Variants in RNF32 observed in about 807,000 individuals in gnomAD.
RNF32 encodes the protein ring finger protein 32.
RNF32 carries 36 observed loss-of-function variants against 41.0 expected under a neutral mutation model. That is an observed-to-expected ratio of 0.88 (90% CI 0.67 to 1.16). The LOEUF is 1.16. Among genes scored for constraint, RNF32 ranks in the 50% most tolerant of loss-of-function variants. The probability of loss-of-function intolerance (pLI) is 0.00; values close to 1 mark genes in which losing one functional copy is unlikely to be tolerated. For synonymous variants in RNF32, 154 were observed against 160.9 expected (o/e 0.96, Z 0.32); for missense variants, 413 against 436.7 (o/e 0.95, Z 0.48).
upstream of RNF32, chr7:156,640,670 G>GGGCGC (rs138450059): frequency 1.7e-3 from 567 of 328,342 alleles, 11 homozygotes; most frequent in East Asian, 0.047. Context: ...GTATGGGGCG[G>GGGCGC]GGCGGGGCAG....
At chr7:156,674,226 G>A (rs76505823) in intron 7 of RNF32, among the ~76,000 whole-genome samples, 3,386 of 152,280 alleles carry the variant, frequency 0.022, 91 homozygotes, top group African/African-American at 0.064. Flanking sequence ...TGTGGGGCTC[G>A]GGAACTGTCT....
chr7:156,676,361 A>G, intron 8 of RNF32, 58 bp from the exon 9 acceptor site: 1 of 1,613,740 alleles, frequency 6.2e-7, no homozygotes, highest in East Asian at 2.2e-5. Flanking sequence ...CAGTTTAAGT[A>G]ACTTTCTGCT....
At chr7:156,649,778 C>T (rs760157019) in intron 3 of RNF32, among the ~76,000 whole-genome samples, 6 of 152,152 alleles carry the variant, frequency 3.9e-5, no homozygotes, top group Non-Finnish European at 5.9e-5. Context: ...TACTTGCCCA[C>T]GGTGTTTTTC....
chr7:156,641,419 C>T (rs1236474246), intron 1 of RNF32, among the ~76,000 whole-genome samples: 1 of 152,188 alleles, frequency 6.6e-6, no homozygotes. Flanking sequence ...TCCTGTTAAT[C>T]TTAGCTTTCA....
chr7:156,675,666 T>C, intron 7 of RNF32, 30 bp from the exon 8 acceptor site: 1 of 1,595,732 alleles, frequency 6.3e-7, no homozygotes, highest in African/African-American at 1.3e-5. Flanking sequence ...AGCTCAGGTG[T>C]GAGCTTACCC....
chr7:156,643,855 GCAA>G lies in RNF32; in HGVS notation c.-18_-16del. 1 of 1,610,594 alleles carries G rather than the reference GCAA, an allele frequency of 6.2e-7. No homozygotes were observed. The highest frequency in any genetic ancestry group is 2.2e-5 in the East Asian group (1 of 44,856). ...TGATGATAGAATTTGTGATAGCCAAGCAACAACTTTTCCTAATTCGGCATGTTA... is the reference window on the plus strand; with the variant it reads ...TGATGATAGAATTTGTGATAGCCAAGCAACTTTTCCTAATTCGGCATGTTA... On this transcript the variant is annotated 5_prime_UTR_variant, in exon 2 of 9. Transcript: ENST00000317955.
chr7:156,661,524 T>G (rs1484622181), intron 7 of RNF32, among the ~76,000 whole-genome samples: 1 of 152,190 alleles, frequency 6.6e-6, no homozygotes, highest in South Asian at 2.1e-4. Context: ...ATTCCCCATG[T>G]TGGCCAGGCA....
intron 4 of RNF32, among the ~76,000 whole-genome samples, chr7:156,655,566 A>C (rs570704041): frequency 6.6e-6 from 1 of 152,368 alleles, no homozygotes; most frequent in African/African-American, 2.4e-5. Context: ...GGCTTATTAC[A>C]ATCTGGGCAA....
intron 7 of RNF32, among the ~76,000 whole-genome samples, chr7:156,673,429 C>A (rs1440852429): frequency 6.6e-6 from 1 of 151,996 alleles, no homozygotes; most frequent in Non-Finnish European, 1.5e-5. Flanking sequence ...ATTTGAAAGG[C>A]CAAGGAATAA....
In RNF32 at chr7:156,657,569, AC is replaced by A; in HGVS notation, c.447del (p.His149GlnfsTer29). 4 of 1,614,126 alleles carry A rather than the reference AC, an allele frequency of 2.5e-6. No individual in the cohort carries two copies. The African/African-American group carries it at 5.3e-5, about 22-fold the overall frequency. On this transcript the variant is annotated frameshift_variant, in exon 5 of 9. Coordinates refer to ENST00000317955, the MANE Select transcript of RNF32 (RefSeq NM_030936.4). LOFTEE classifies it high-confidence loss of function. ...CTGCTTTCATGCTCCCATGTGTTCC[AC>A]AAAGTAAGTCCACCCCTCACGCCTG... ...QVLLSCSHVF[H>X]KACLQAFEKF... is the part of the protein sequence containing the mutation.
chr7:156,644,172 G>T (rs1797708907), intron 2 of RNF32, among the ~76,000 whole-genome samples: 1 of 152,200 alleles, frequency 6.6e-6, no homozygotes, highest in South Asian at 2.1e-4. Flanking sequence ...GAAATGGCAG[G>T]AGTCTCCTTA....
chr7:156,660,315 G>C (rs767064675), intron 7 of RNF32: 61 of 981,914 alleles, frequency 6.2e-5, no homozygotes, highest in Non-Finnish European at 7.4e-5. Flanking sequence ...CACCATCTAA[G>C]AGATCAAGAA....
At chr7:156,651,600 G>A (rs1466666796) in intron 3 of RNF32, among the ~76,000 whole-genome samples, 8 of 152,246 alleles carry the variant, frequency 5.3e-5, no homozygotes, top group Middle Eastern at 3.4e-3. Context: ...GCAGAAGATC[G>A]AGATTTAGCA....
chr7:156,673,752 A>G (rs1386314684), intron 7 of RNF32, among the ~76,000 whole-genome samples: 1 of 152,176 alleles, frequency 6.6e-6, no homozygotes, highest in East Asian at 1.9e-4. Context: ...GGAGAAAGGC[A>G]GCTCATAGTC....
chr7:156,672,297 C>T (rs936432704), intron 7 of RNF32, among the ~76,000 whole-genome samples: 10 of 152,084 alleles, frequency 6.6e-5, no homozygotes, highest in Admixed American at 3.3e-4. Flanking sequence ...GGTGTGACGA[C>T]GACAGGTGCA....
At chr7:156,674,962 G>A (rs1803479507) in intron 7 of RNF32, among the ~76,000 whole-genome samples, 1 of 152,170 alleles carries the variant, frequency 6.6e-6, no homozygotes, top group Non-Finnish European at 1.5e-5. Context: ...CAGCAGGGGA[G>A]GGAAACAATA....
At chr7:156,676,160 TG>T in intron 8 of RNF32, 1 of 1,125,982 alleles carries the variant, frequency 8.9e-7, no homozygotes, top group Non-Finnish European at 1.2e-6. Context: ...TTTGAAATTC[TG>T]GAAGTTCCTG....
intron 3 of RNF32, chr7:156,646,658 G>T: frequency 2.4e-6 from 1 of 420,620 alleles, no homozygotes; most frequent in Non-Finnish European, 4.1e-6. Context: ...CAATGAGAAC[G>T]GAATCCTTCA....
rs1262616409 is a variant in RNF32, at chr7:156,675,867, G to A, written c.852+4G>A. 1 of 1,610,070 alleles carries A rather than the reference G, an allele frequency of 6.2e-7. No individual in the cohort carries two copies. Among genetic ancestry groups the A allele is most frequent in the Non-Finnish European group, 8.5e-7 (1 of 1,177,232 alleles). On this transcript the variant is annotated splice_donor_region_variant and intron_variant, in intron 8 of 8. Transcript: ENST00000317955. ...ATGGGAGAAAATCCAAGTGCAGGTAGGTTTGGCTGGCAGCCTGGCAACCAG... is the reference window on the plus strand; with the variant it reads ...ATGGGAGAAAATCCAAGTGCAGGTAAGTTTGGCTGGCAGCCTGGCAACCAG...
Sources: allele counts gnomAD v4.1 joint callset (sites outside exome capture counted in the v4.1 genomes callset), GRCh38; gene constraint gnomAD v4.1.1; transcripts MANE v1.5; gene names NCBI Gene and HGNC (gene_info 2026-07-23, HGNC 2026-07-21).